The following TPH1 variants were observed in gnomAD, a reference collection of about 807,000 sequenced individuals.
TPH1 encodes the protein tryptophan hydroxylase 1.
TPH1 carries 37 observed loss-of-function variants against 49.5 expected under a neutral mutation model. That is an observed-to-expected ratio of 0.75 (90% CI 0.58 to 0.98). The LOEUF (loss-of-function observed/expected upper bound fraction) is 0.98. TPH1 is among the 50% of genes least tolerant of loss of function. The pLI, the probability that TPH1 is intolerant of heterozygous loss-of-function variation, is 0.00. For synonymous variants in TPH1, 160 were observed against 182.1 expected (o/e 0.88, Z 0.98); for missense variants, 487 against 523.6 (o/e 0.93, Z 0.68).
Position 18,036,077 on chromosome 11 carries a change from C to T in TPH1, c.183G>A (p.Glu61=). 6.2e-7 allele frequency: 1 copy of T among 1,613,300 alleles called. No individual in the cohort carries two copies. Among genetic ancestry groups the T allele is most frequent in the Non-Finnish European group, 8.5e-7 (1 of 1,179,844 alleles). ...RKSKRRNSEF[E]IFVDCDINRE... ...TGTTGATGTCACAGTCAACAAAAAT[C>T]TCAAATTCTGAGTTTCTTCTTTTTG... The change falls in exon 3 of 11, where the codon GAG becomes GAA. Residue 61 remains glutamate, a synonymous_variant. Coordinates refer to ENST00000682019, the MANE Select transcript of TPH1 (RefSeq NM_004179.3).
rs893913585 is a variant in TPH1 at position 18,025,759 on chromosome 11, C to T, written c.804-58G>A. The T allele has an allele frequency of 3.7e-6, 6 of 1,604,566 alleles. No individual in the cohort carries two copies. In the African/African-American group the frequency reaches 5.4e-5, roughly 14 times the overall value. On this transcript the variant is annotated intron_variant, in intron 7 of 10. Coordinates refer to ENST00000682019, the MANE Select transcript of TPH1 (RefSeq NM_004179.3). The stretch of plus-strand genomic sequence containing the variant: ...GTGCTTAACATACGTTTATAATCAA[C>T]CATTCAATCAAATCGAAATCCAATA...
At chr11:18,037,521 G>A (rs1368243263) in intron 2 of TPH1, among the ~76,000 whole-genome samples, 1 of 152,060 alleles carries the variant, frequency 6.6e-6, no homozygotes, top group African/African-American at 2.4e-5. Flanking sequence ...GATTGATCAG[G>A]TGTAAAGAAG....
At chr11:18,026,417 A>AT in intron 7 of TPH1, 73 bp downstream of exon 7, 9 of 1,154,102 alleles carry the variant, frequency 7.8e-6, no homozygotes, top group Non-Finnish European at 1.1e-5. Context: ...AAAAAAAAAA[A>AT]GAACCCATAA....
rs774785059 is a variant in TPH1, at chr11:18,026,593, C to A, written c.700G>T (p.Gly234Cys). ...RTGFSIRPVA[G>C]YLSPRDFLSG... The stretch of plus-strand genomic sequence containing the variant: ...AAGAAATCTCTTGGTGATAAGTAAC[C>A]AGCCACAGGACGGATGGAAAAACCT... The change falls in exon 7 of 11, where the codon GGT (glycine) becomes TGT (cysteine). Residue 234 changes from glycine (G) to cysteine (C), a missense_variant. Transcript: ENST00000682019. 2 of 1,613,838 alleles carry A rather than the reference C, an allele frequency of 1.2e-6. No individual in the cohort carries two copies. The highest frequency in any genetic ancestry group is 2.7e-5 in the African/African-American group (2 of 74,858).
At chr11:18,040,624 C>CA (rs1564860152) in intron 2 of TPH1, 22 bp downstream of exon 2, 2 of 1,602,538 alleles carry the variant, frequency 1.2e-6, no homozygotes, top group East Asian at 2.2e-5. Context: ...GAATTCTGTG[C>CA]AAAAATACAG....
At chr11:18,040,556 A>G in intron 2 of TPH1, 90 bp downstream of exon 2, 2 of 1,285,146 alleles carry the variant, frequency 1.6e-6, no homozygotes, top group Non-Finnish European at 2.2e-6. Context: ...TTTAAGAGAT[A>G]GGGTCTTGCT....
chr11:18,020,949 C>T lies in TPH1; in HGVS notation c.*42G>A, dbSNP rs375279437. 6.2e-7 allele frequency: 1 copy of T among 1,603,052 alleles called. No homozygotes were observed. Among genetic ancestry groups the T allele is most frequent in the Admixed American group, 1.7e-5 (1 of 59,990 alleles). On this transcript the variant is annotated 3_prime_UTR_variant, in exon 11 of 11. Transcript: ENST00000682019. ...AAGGAAAGCAAGAGATGGCCCAGACCTCCGAATTGATGCTCAAATGTTCCT... is the reference window on the plus strand; with the variant it reads ...AAGGAAAGCAAGAGATGGCCCAGACTTCCGAATTGATGCTCAAATGTTCCT...
chr11:18,041,145 T>C, intron 1 of TPH1: 1 of 193,284 alleles, frequency 5.2e-6, no homozygotes. Flanking sequence ...ATCTTAGCAC[T>C]TCATTATACC....
At position 18,019,925 on chromosome 11, in the gene TPH1, A is replaced by T. The variant is rs975949125; in HGVS notation, c.*1066T>A. 2.5e-5 allele frequency: 9 copies of T among 356,036 alleles called. No homozygotes were observed. Among genetic ancestry groups the T allele is most frequent in the Non-Finnish European group, 5.0e-5 (9 of 181,474 alleles). The allele number at this position is 356,036 out of a possible 1,614,324, so 22.1% of individuals were successfully genotyped here. A position where few individuals can be genotyped will look rare whatever the true frequency, so the allele number is the denominator to read the frequency against. Reference sequence around the variant, plus strand: ...AACCACTCTTCTTGACCTTTCTGACATTCTATTTCCTCCCCTTTTCTGCAG... The same window carrying T: ...AACCACTCTTCTTGACCTTTCTGACTTTCTATTTCCTCCCCTTTTCTGCAG... On this transcript the variant is annotated 3_prime_UTR_variant, in exon 11 of 11. Coordinates refer to ENST00000682019, the MANE Select transcript of TPH1 (RefSeq NM_004179.3).
chr11:18,029,642 G>A, intron 4 of TPH1, 63 bp from the exon 5 acceptor site: 1 of 1,351,454 alleles, frequency 7.4e-7, no homozygotes, highest in East Asian at 2.3e-5. Flanking sequence ...ATGATATTTG[G>A]GAAACATTTC....
rs777469750 is a variant in TPH1, at chr11:18,019,701, G to C, written c.*1290C>G. On this transcript the variant is annotated 3_prime_UTR_variant, in exon 11 of 11. Transcript: ENST00000682019. ...AAGAGATGGCAAAAAGAGTAGAAGT[G>C]CAAAGACAGAAACTTGAAGAACATC... 1 of 463,830 alleles carries C rather than the reference G, an allele frequency of 2.2e-6. No individual in the cohort carries two copies. The allele number at this position is 463,830 out of a possible 1,614,324, so 28.7% of individuals were successfully genotyped here.
At position 18,019,200 on chromosome 11, in the gene TPH1, ATTTAT is replaced by A. The variant is rs1275723464; in HGVS notation, c.*1786_*1790del. Reference sequence around the variant, plus strand: ...GACATGAAATACAAAGTTTTTAATAATTTATTTTGAGGACTAAGAAGTGTTAAAAG... The same window carrying A: ...GACATGAAATACAAAGTTTTTAATAATTTGAGGACTAAGAAGTGTTAAAAG... On this transcript the variant is annotated 3_prime_UTR_variant, in exon 11 of 11. Coordinates refer to ENST00000682019, the MANE Select transcript of TPH1 (RefSeq NM_004179.3). The A allele has an allele frequency of 1.3e-5, 2 of 152,728 alleles. No homozygotes were observed. The highest frequency in any genetic ancestry group is 1.3e-4 in the Admixed American group (2 of 15,322). The allele number at this position is 152,728 out of a possible 1,614,324, so 9.5% of individuals were successfully genotyped here. A position where few individuals can be genotyped will look rare whatever the true frequency, so the allele number is the denominator to read the frequency against.
At chr11:18,029,142 CA>C in intron 6 of TPH1, 22 bp downstream of exon 6, 1 of 1,423,276 alleles carries the variant, frequency 7.0e-7, no homozygotes. Context: ...AACTCCCTTA[CA>C]AAAAATTAAT....
At chr11:18,028,374 C>T (rs938999265) in intron 6 of TPH1, among the ~76,000 whole-genome samples, 3 of 152,150 alleles carry the variant, frequency 2.0e-5, no homozygotes, top group Admixed American at 6.5e-5. Context: ...ATGAACACCC[C>T]CACGGATGAG....
rs775181369 is a variant in TPH1 at position 18,033,329 on chromosome 11, T to C, written c.347A>G (p.Asp116Gly). ...CATCAGAACTCTGTTGGCACAATGG[T>C]CCAGGTCAGAAATCTTCTTTGGAAA... is the stretch of plus-strand genomic sequence containing the variant. ...PWFPKKISDL[D>G]HCANRVLMYG... Residue 116 changes from aspartate to glycine, a missense_variant, in exon 4 of 11, where the codon GAC becomes GGC. Physicochemically the swap from Asp to Gly is moderately conservative, Grantham distance 94. Transcript: ENST00000682019. 1.2e-6 allele frequency: 2 copies of C among 1,613,954 alleles called. No individual in the cohort carries two copies. Among genetic ancestry groups the C allele is most frequent in the Admixed American group, 1.7e-5 (1 of 59,996 alleles).
intron 1 of TPH1, chr11:18,041,152 T>C (rs1301422866): frequency 1.6e-5 from 3 of 186,332 alleles, no homozygotes; most frequent in Non-Finnish European, 3.3e-5. Context: ...CACTTCATTA[T>C]ACCAGGTCTC....
At chr11:18,022,741 A>C in intron 10 of TPH1, 57 bp downstream of exon 10, 4 of 1,599,216 alleles carry the variant, frequency 2.5e-6, no homozygotes, top group Non-Finnish European at 3.4e-6. Flanking sequence ...ACTTGTTACC[A>C]TAATGGGGCT....
At chr11:18,031,797 C>A (rs1156501499) in intron 4 of TPH1, among the ~76,000 whole-genome samples, 1 of 152,140 alleles carries the variant, frequency 6.6e-6, no homozygotes, top group Non-Finnish European at 1.5e-5. Flanking sequence ...TCTCTTATCT[C>A]CTGAAATCTT....
chr11:18,021,042 G>A lies in TPH1; in HGVS notation c.1284C>T (p.Leu428=), dbSNP rs141921745. Residue 428 remains leucine (L), a synonymous_variant, in exon 11 of 11, where the codon CTC becomes CTT. Transcript: ENST00000682019. The stretch of plus-strand genomic sequence containing the variant: ...TAGCAAGGGCATCACTGACAACATC[G>A]AGATCATGCTGCAGCTCATTCATGG... The part of the protein sequence containing the change: ...TSAMNELQHD[L]DVVSDALAKV... 2.5e-6 allele frequency: 4 copies of A among 1,613,948 alleles called. No individual in the cohort carries two copies. The highest frequency in any genetic ancestry group is 1.1e-5 in the South Asian group (1 of 91,056).
Sources: allele counts gnomAD v4.1 joint callset (sites outside exome capture counted in the v4.1 genomes callset), GRCh38; gene constraint gnomAD v4.1.1; transcripts MANE v1.5; gene names NCBI Gene and HGNC (gene_info 2026-07-23, HGNC 2026-07-21).